Variants in NAA38 observed in about 807,000 individuals in gnomAD.
The protein encoded by NAA38 is N-alpha-acetyltransferase 38, NatC auxiliary subunit, also known as LSM domain containing 1.
NAA38 carries 15 observed loss-of-function variants against 12.6 expected under a neutral mutation model. That is an observed-to-expected ratio of 1.19 (90% CI 0.79 to 1.83). The LOEUF is 1.83. Ranked by LOEUF, NAA38 falls within the 40% of genes most tolerant of loss-of-function variation. The pLI is 0.00. For synonymous variants in NAA38, 88 were observed against 69.9 expected (o/e 1.26, Z -1.29); for missense variants, 183 against 171.7 (o/e 1.07, Z -0.37).
exon 1 of NAA38, chr17:7,885,165 C>G: frequency 1.0e-6 from 1 of 981,078 alleles, no homozygotes; most frequent in Non-Finnish European, 1.2e-6. Flanking sequence ...AGGCACCCAC[C>G]GCGCGGCCGA....
At chr17:7,883,597 C>T (rs1259694748) in intron 1 of NAA38, among the ~76,000 whole-genome samples, 1 of 152,094 alleles carries the variant, frequency 6.6e-6, no homozygotes, top group Non-Finnish European at 1.5e-5. Context: ...ATCATCGTAT[C>T]TATTCATATC....
chr17:7,885,297 G>GC (rs1967639937), upstream of NAA38: 4 of 137,968 alleles, frequency 2.9e-5, no homozygotes, highest in South Asian at 2.4e-4. Flanking sequence ...CTCCCCCGCC[G>GC]CACCCCTCCC....
At chr17:7,859,899 G>C (rs934654547), upstream of NAA38, 3 of 420,190 alleles carry the variant, frequency 7.1e-6, no homozygotes, top group South Asian at 7.7e-5. Flanking sequence ...AGAACTGTTT[G>C]ATAGTTAAGA....
chr17:7,866,257 T>A (rs943341967), intron 3 of NAA38, among the ~76,000 whole-genome samples: 3 of 118,250 alleles, frequency 2.5e-5, no homozygotes, highest in African/African-American at 4.3e-5. Context: ...CGGCTAATTT[T>A]TTTTTTTTTT....
intron 2 of NAA38, among the ~76,000 whole-genome samples, chr17:7,868,652 A>G (rs1967031197): frequency 6.6e-6 from 1 of 152,200 alleles, no homozygotes; most frequent in Non-Finnish European, 1.5e-5. Flanking sequence ...CCAGCACTAT[A>G]AAGAGTCCTT....
chr17:7,867,971 G>C (rs1234017437), intron 2 of NAA38, among the ~76,000 whole-genome samples: 4 of 152,214 alleles, frequency 2.6e-5, no homozygotes, highest in Non-Finnish European at 5.9e-5. Context: ...AGAGGACTTT[G>C]GGAAGGAAAG....
chr17:7,884,833 GGA>G, intron 1 of NAA38: 1 of 978,296 alleles, frequency 1.0e-6, no homozygotes, highest in Non-Finnish European at 1.5e-6. Context: ...GGGACGAGGA[GGA>G]GGAGGAGGAG....
upstream of NAA38, chr17:7,857,668 T>C: frequency 7.5e-7 from 1 of 1,330,462 alleles, no homozygotes; most frequent in Non-Finnish European, 9.6e-7. Context: ...CTACGCCGGA[T>C]GTCTTAAGAT....
intron 1 of NAA38, chr17:7,884,955 G>A: frequency 7.4e-7 from 1 of 1,356,252 alleles, no homozygotes; most frequent in Non-Finnish European, 9.6e-7. Context: ...GACGACGAGG[G>A]AGTACTCGGG....
At chr17:7,857,868 T>A (rs750235735), upstream of NAA38, 6 of 1,383,356 alleles carry the variant, frequency 4.3e-6, no homozygotes, top group Non-Finnish European at 5.6e-6. Flanking sequence ...ACCCCGCAAC[T>A]CCTGAAAGCG....
chr17:7,882,555 G>A (rs576050206), intron 2 of NAA38, among the ~76,000 whole-genome samples: 5 of 152,176 alleles, frequency 3.3e-5, no homozygotes, highest in Non-Finnish European at 7.4e-5. Context: ...ATAACCAGAT[G>A]AACTAGTAAA....
At chr17:7,858,773 C>A, upstream of NAA38, 1 of 1,584,650 alleles carries the variant, frequency 6.3e-7, no homozygotes. Context: ...CTGCCAAGAC[C>A]CGGAGCATCC....
chr17:7,858,226 C>T, upstream of NAA38: 1 of 1,613,982 alleles, frequency 6.2e-7, no homozygotes, highest in South Asian at 1.1e-5. Flanking sequence ...CATAACAGGC[C>T]CGAAGACCTC....
chr17:7,857,495 T>C lies in NAA38; in HGVS notation c.-32A>G, dbSNP rs945511691. 1 of 1,500,290 alleles carries C rather than the reference T, an allele frequency of 6.7e-7. No individual in the cohort carries two copies. The highest frequency in any genetic ancestry group is 8.9e-7 in the Non-Finnish European group (1 of 1,125,514). The allele number at this position is 1,500,290 out of a possible 1,614,324, so 92.9% of individuals were successfully genotyped here. A position where few individuals can be genotyped will look rare whatever the true frequency, so the allele number is the denominator to read the frequency against. ...GGAGGCCTCCTCTGGGCCTTTCAAC[T>C]TCCTAAGCACCTTTCAGGTTGGGTG... is the stretch of plus-strand genomic sequence containing the variant. On this transcript the variant is annotated 5_prime_UTR_variant, in exon 1 of 3. Coordinates refer to ENST00000575771, the MANE Select transcript of NAA38 (RefSeq NM_001320925.4).
At chr17:7,884,827 C>T in intron 1 of NAA38, 2 of 803,840 alleles carry the variant, frequency 2.5e-6, no homozygotes, top group Non-Finnish European at 3.4e-6. Flanking sequence ...CTCTGAGGGA[C>T]GAGGAGGAGG....
intron 2 of NAA38, among the ~76,000 whole-genome samples, chr17:7,868,912 T>C (rs1967035502): frequency 6.6e-6 from 1 of 152,254 alleles, no homozygotes; most frequent in Non-Finnish European, 1.5e-5. Context: ...TTTCATATCA[T>C]GCCAGAATTG....
intron 2 of NAA38, among the ~76,000 whole-genome samples, chr17:7,876,131 A>G (rs1967170948): frequency 6.6e-6 from 1 of 152,132 alleles, no homozygotes; most frequent in African/African-American, 2.4e-5. Flanking sequence ...ATATGATTCA[A>G]TTATCTTGGG....
intron 2 of NAA38, among the ~76,000 whole-genome samples, chr17:7,871,199 T>C (rs986129531): frequency 6.6e-5 from 10 of 152,248 alleles, no homozygotes; most frequent in Non-Finnish European, 1.0e-4. Flanking sequence ...CTGTGGTCCA[T>C]GAGTTTAGGC....
At chr17:7,884,882 G>A in intron 1 of NAA38, 2 of 1,347,932 alleles carry the variant, frequency 1.5e-6, no homozygotes, top group East Asian at 3.1e-5. Flanking sequence ...AGAGGAGGAA[G>A]AAGAGGGCGA....
Sources: gnomAD v4.1 joint callset for allele counts (sites outside exome capture counted in the v4.1 genomes callset) on GRCh38, gnomAD v4.1.1 for gene constraint, MANE v1.5 for transcripts, NCBI Gene and HGNC (gene_info 2026-07-23, HGNC 2026-07-21) for gene names.